Variants in CEP128 observed in about 807,000 individuals in gnomAD.
The protein encoded by CEP128 is centrosomal protein 128kDa.
Under a neutral mutation model 156.7 loss-of-function variants are expected in CEP128, and 132 were observed. The observed-to-expected ratio is 0.84, with a 90% CI of 0.73 to 0.97. The LOEUF is 0.97. CEP128 is among the 50% of genes least tolerant of loss of function. The pLI, the probability that CEP128 is intolerant of heterozygous loss-of-function variation, is 0.00. For synonymous variants in CEP128, 469 were observed against 448.9 expected (o/e 1.04, Z -0.57); for missense variants, 1,252 against 1,281.9 (o/e 0.98, Z 0.36).
At chr14:80,720,331 G>A (rs1897768402) in intron 19 of CEP128, among the ~76,000 whole-genome samples, 1 of 152,232 alleles carries the variant, frequency 6.6e-6, no homozygotes, top group Middle Eastern at 3.4e-3. Flanking sequence ...TCCATTGAAA[G>A]GTTGAAGGAC....
At chr14:80,763,634 T>C (rs1900080698) in intron 16 of CEP128, among the ~76,000 whole-genome samples, 1 of 152,180 alleles carries the variant, frequency 6.6e-6, no homozygotes, top group South Asian at 2.1e-4. Flanking sequence ...TCATAATTTT[T>C]TAATTTTTTT....
intron 13 of CEP128, among the ~76,000 whole-genome samples, chr14:80,795,976 A>C (rs1883447677): frequency 6.6e-6 from 1 of 152,162 alleles, no homozygotes; most frequent in Non-Finnish European, 1.5e-5. Flanking sequence ...GAAAAGAAAA[A>C]CAACACCAAC....
intron 13 of CEP128, among the ~76,000 whole-genome samples, chr14:80,800,331 GA>G (rs1261947150): frequency 2.0e-5 from 3 of 152,142 alleles, no homozygotes; most frequent in Admixed American, 2.0e-4. Flanking sequence ...AAGAGTAACT[GA>G]CACATTTTAG....
At chr14:80,943,818 A>T (rs533838000), upstream of CEP128, among the ~76,000 whole-genome samples, 89 of 151,876 alleles carry the variant, frequency 5.9e-4, 1 homozygote, top group South Asian at 0.018. Context: ...ACATGGCGAA[A>T]CTCCATCTCT....
intron 8 of CEP128, among the ~76,000 whole-genome samples, chr14:80,870,601 A>T (rs981345824): frequency 1.3e-5 from 2 of 152,116 alleles, no homozygotes; most frequent in African/African-American, 2.4e-5. Context: ...TTATTTTAGC[A>T]TAATAAAGGC....
intron 9 of CEP128, among the ~76,000 whole-genome samples, chr14:80,861,808 G>GTA (rs1245233405): frequency 6.6e-6 from 1 of 152,100 alleles, no homozygotes; most frequent in Non-Finnish European, 1.5e-5. Flanking sequence ...TTGTTATACT[G>GTA]TAACTATAAA....
chr14:80,599,654 TA>T (rs1438605821), intron 19 of CEP128, among the ~76,000 whole-genome samples: 1 of 151,630 alleles, frequency 6.6e-6, no homozygotes, highest in Non-Finnish European at 1.5e-5. Context: ...TGTACTACTT[TA>T]AAAAAGAAAG....
At chr14:80,764,721 C>T (rs956126597) in intron 16 of CEP128, among the ~76,000 whole-genome samples, 2 of 152,104 alleles carry the variant, frequency 1.3e-5, no homozygotes, top group African/African-American at 4.8e-5. Flanking sequence ...ACTAAATGAA[C>T]ACAAGTGTCA....
At chr14:80,832,889 A>T (rs1468886006) in intron 12 of CEP128, among the ~76,000 whole-genome samples, 1 of 152,224 alleles carries the variant, frequency 6.6e-6, no homozygotes, top group African/African-American at 2.4e-5. Flanking sequence ...ACCAAGCATC[A>T]GCAAACATTT....
intron 19 of CEP128, among the ~76,000 whole-genome samples, chr14:80,660,791 TGATTTGGCTATCTTAGC>T (rs1248000320): frequency 6.6e-6 from 1 of 152,210 alleles, no homozygotes; most frequent in Non-Finnish European, 1.5e-5. Flanking sequence ...AGTGCTACAC[TGATTTGGCTATCTTAGC>T]CATTTGGCTA....
chr14:80,875,050 CA>C (rs1888216109), intron 8 of CEP128, among the ~76,000 whole-genome samples: 1 of 152,198 alleles, frequency 6.6e-6, no homozygotes, highest in African/African-American at 2.4e-5. Flanking sequence ...AATATCAGCT[CA>C]TTTCAGAAAA....
intron 23 of CEP128, among the ~76,000 whole-genome samples, chr14:80,514,361 CTT>C (rs1034290485): frequency 6.6e-5 from 10 of 152,040 alleles, no homozygotes; most frequent in African/African-American, 2.4e-4. Flanking sequence ...AAGTCTGACT[CTT>C]TTCATCAACA....
At chr14:80,624,879 C>G (rs1343478377) in intron 19 of CEP128, among the ~76,000 whole-genome samples, 1 of 152,150 alleles carries the variant, frequency 6.6e-6, no homozygotes, top group East Asian at 1.9e-4. Flanking sequence ...TGTCTTCACT[C>G]TGTTGATTAT....
chr14:80,742,262 C>T (rs1038736176), intron 19 of CEP128, among the ~76,000 whole-genome samples: 3 of 152,026 alleles, frequency 2.0e-5, no homozygotes, highest in Non-Finnish European at 2.9e-5. Flanking sequence ...AAAATGCATA[C>T]CCTCTTTTTC....
At chr14:80,786,301 G>A (rs537833774) in intron 14 of CEP128, among the ~76,000 whole-genome samples, 1 of 152,246 alleles carries the variant, frequency 6.6e-6, no homozygotes, top group East Asian at 1.9e-4. Flanking sequence ...AGGGAGCCAA[G>A]ATTGTTTTCT....
At chr14:80,597,798 A>C (rs1012085442) in intron 19 of CEP128, among the ~76,000 whole-genome samples, 4 of 151,900 alleles carry the variant, frequency 2.6e-5, no homozygotes, top group Admixed American at 1.3e-4. Context: ...GTATTTGAAA[A>C]TCAATGTAAT....
At chr14:80,858,683 C>T (rs1453208866) in intron 9 of CEP128, among the ~76,000 whole-genome samples, 1 of 151,006 alleles carries the variant, frequency 6.6e-6, no homozygotes, top group Non-Finnish European at 1.5e-5. Flanking sequence ...CTACAATGCA[C>T]TCAAACAAAT....
chr14:80,650,725 G>C (rs1248528393), intron 19 of CEP128, among the ~76,000 whole-genome samples: 1 of 152,148 alleles, frequency 6.6e-6, no homozygotes, highest in Non-Finnish European at 1.5e-5. Flanking sequence ...TACATTTATT[G>C]ATTTGCATAT....
chr14:80,563,362 A>C lies in CEP128; in HGVS notation c.2857-4060T>G, dbSNP rs118041667. On this transcript the variant is annotated intron_variant, in intron 20 of 24. Coordinates refer to ENST00000555265, the MANE Select transcript of CEP128 (RefSeq NM_152446.5). The stretch of plus-strand genomic sequence containing the variant: ...CATGCTATTTCAGATGGTTTTAATA[A>C]ATCAGTGGCTCTTATTTTTGTGGTA... 6.4e-3 allele frequency among the ~76,000 whole-genome samples: 977 copies of C among 152,182 alleles called. 11 individuals carry two copies. The highest frequency in any genetic ancestry group is 8.4e-3 in the Non-Finnish European group (569 of 68,008).
Sources: allele counts gnomAD v4.1 joint callset (sites outside exome capture counted in the v4.1 genomes callset), GRCh38; gene constraint gnomAD v4.1.1; transcripts MANE v1.5; gene names NCBI Gene and HGNC (gene_info 2026-07-23, HGNC 2026-07-21).